Variants in PTPN5 observed in about 807,000 individuals in gnomAD.
The protein encoded by PTPN5 is protein tyrosine phosphatase non-receptor type 5.
A neutral mutation model predicts 73.9 loss-of-function variants in PTPN5; 29 were observed. That is an observed-to-expected ratio of 0.39 (90% confidence interval 0.29 to 0.54). The LOEUF (loss-of-function observed/expected upper bound fraction) is 0.54, where lower values mean the gene tolerates loss of function less well. Ranked by LOEUF, PTPN5 falls within the 20% of genes least tolerant of loss-of-function variation. The probability of loss-of-function intolerance (pLI) is 0.65; values close to 1 mark genes in which losing one functional copy is unlikely to be tolerated. For synonymous variants in PTPN5, 267 were observed against 304.7 expected (o/e 0.88, Z 1.29); for missense variants, 652 against 751.4 (o/e 0.87, Z 1.55).
chr11:18,751,455 G>GT (rs1362885664), intron 3 of PTPN5, among the ~76,000 whole-genome samples: 1 of 152,212 alleles, frequency 6.6e-6, no homozygotes, highest in African/African-American at 2.4e-5. Flanking sequence ...AAGCAAACAG[G>GT]TGGTGGATTT....
chr11:18,729,385 G>C lies in PTPN5; in HGVS notation c.1604+68C>G. On this transcript the variant is annotated intron_variant, in intron 14 of 14. Transcript: ENST00000358540. The surrounding 1 kb of genome is among the most constrained non-coding windows in gnomAD (Gnocchi z 5.2). ...CTCACCCCCCGCCCATGCACATGTG[G>C]GTCTCTCCCTCTACCCGCTCGGGGC... The C allele has an allele frequency of 1.3e-6, 1 of 780,676 alleles. No homozygotes were observed. The highest frequency in any genetic ancestry group is 2.3e-6 in the Non-Finnish European group (1 of 444,092). 48.4% of individuals were successfully genotyped at this position (780,676 alleles called of 1,614,324 possible).
At chr11:18,749,652 C>G (rs1297762514) in intron 3 of PTPN5, among the ~76,000 whole-genome samples, 1 of 152,166 alleles carries the variant, frequency 6.6e-6, no homozygotes, top group Non-Finnish European at 1.5e-5. Context: ...CTGTAGGATC[C>G]TGGGTAAGGC....
intron 3 of PTPN5, among the ~76,000 whole-genome samples, chr11:18,763,219 A>T (rs1480410332): frequency 1.3e-5 from 2 of 152,206 alleles, no homozygotes; most frequent in African/African-American, 4.8e-5. Context: ...AGGCACAGGG[A>T]CGTTGTCTAC....
chr11:18,729,717 C>G lies in PTPN5; in HGVS notation c.1431G>C (p.Glu477Asp). The change falls in exon 13 of 15, where the codon GAG becomes GAC. Residue 477 changes from glutamate to aspartate, a missense_variant. Physicochemically the swap from Glu to Asp is conservative, Grantham distance 45 (BLOSUM62 2). Around this residue, in one of 3 missense-constraint regions of PTPN5, gnomAD observed 102 missense variants for 160.5 expected, o/e 0.64. Transcript: ENST00000358540. This position sits in a 1 kb window ranked among gnomAD's most constrained non-coding sequence, Gnocchi z 5.2. ...RAPPLLHLVR[E>D]VEEAAQQEGP... ...CCTCCTGCTGGGCTGCCTCCTCCAC[C>G]TCCCGCACCAGGTGCAGGAGTGGGG... is the stretch of plus-strand genomic sequence containing the variant. 6.3e-7 allele frequency: 1 copy of G among 1,592,714 alleles called. No individual in the cohort carries two copies. Among genetic ancestry groups the G allele is most frequent in the Non-Finnish European group, 8.6e-7 (1 of 1,166,042 alleles).
In PTPN5 at chr11:18,728,917, T is replaced by C. The variant is rs1254559193; in HGVS notation, c.*17A>G. 1 of 1,610,324 alleles carries C rather than the reference T, an allele frequency of 6.2e-7. No homozygotes were observed. Reference sequence around the variant, plus strand: ...CAGGCTGGGCAGTGCCCAGAGAACCTTGTAGGAGAAGCGCAGTCATTCTGG... The same window carrying C: ...CAGGCTGGGCAGTGCCCAGAGAACCCTGTAGGAGAAGCGCAGTCATTCTGG... On this transcript the variant is annotated 3_prime_UTR_variant, in exon 15 of 15. Transcript: ENST00000358540. This position sits in a 1 kb window ranked among gnomAD's most constrained non-coding sequence, Gnocchi z 4.1.
intron 1 of PTPN5, among the ~76,000 whole-genome samples, chr11:18,788,961 G>A (rs778489401): frequency 3.9e-5 from 6 of 152,158 alleles, no homozygotes; most frequent in South Asian, 2.1e-4. Context: ...ATTCTATTAC[G>A]CTAACGTACA....
At chr11:18,766,358 C>T (rs1564918960) in intron 2 of PTPN5, among the ~76,000 whole-genome samples, 1 of 152,282 alleles carries the variant, frequency 6.6e-6, no homozygotes, top group East Asian at 1.9e-4. Context: ...GCCATTCTGT[C>T]TCCTAGTTCC....
chr11:18,754,018 G>C (rs1850014278), intron 3 of PTPN5, among the ~76,000 whole-genome samples: 1 of 152,238 alleles, frequency 6.6e-6, no homozygotes, highest in African/African-American at 2.4e-5. Context: ...ATTACCTGTT[G>C]AGAGAGGGGG....
chr11:18,750,141 G>A (rs551263469), intron 3 of PTPN5, among the ~76,000 whole-genome samples: 2 of 152,348 alleles, frequency 1.3e-5, no homozygotes, highest in African/African-American at 4.8e-5. Context: ...GCCAAGGGCA[G>A]AGCCTGAACG....
chr11:18,742,321 G>A lies in PTPN5; in HGVS notation c.666C>T (p.Asp222=). ...PETPVFDCVM[D]IKPEADPTSL... ...AGGTGGGGTCAGCCTCAGGCTTGAT[G>A]TCCATCACACAATCAAACACAGGAG... The change falls in exon 7 of 15, where the codon GAC becomes GAT. Residue 222 remains aspartate, a synonymous_variant. Coordinates refer to ENST00000358540, the MANE Select transcript of PTPN5 (RefSeq NM_006906.2). This position sits in a 1 kb window ranked among gnomAD's most constrained non-coding sequence, Gnocchi z 4.1. 7 of 1,614,138 alleles carry A rather than the reference G, an allele frequency of 4.3e-6. No homozygotes were observed. The highest frequency in any genetic ancestry group is 5.1e-6 in the Non-Finnish European group (6 of 1,180,034).
intron 3 of PTPN5, among the ~76,000 whole-genome samples, chr11:18,759,937 T>TTA (rs10666920): frequency 0.35 from 53,471 of 151,834 alleles, 9,758 homozygotes; most frequent in Middle Eastern, 0.48. Context: ...ATGAGGCCCA[T>TTA]TATGAGGTAA....
chr11:18,753,914 AAC>A (rs1482753172), intron 3 of PTPN5, among the ~76,000 whole-genome samples: 3 of 152,226 alleles, frequency 2.0e-5, no homozygotes, highest in Admixed American at 2.0e-4. Context: ...AACAAGATTT[AAC>A]ACAGTACAAT....
At chr11:18,746,757 C>T (rs1157856816) in intron 3 of PTPN5, among the ~76,000 whole-genome samples, 1 of 152,122 alleles carries the variant, frequency 6.6e-6, no homozygotes, top group Non-Finnish European at 1.5e-5. Context: ...TCCTGACCAC[C>T]TGAGCAGTCA....
chr11:18,786,193 G>A (rs1163379234), intron 1 of PTPN5, among the ~76,000 whole-genome samples: 1 of 119,778 alleles, frequency 8.3e-6, no homozygotes, highest in Non-Finnish European at 1.7e-5. Flanking sequence ...AAAGAATGGG[G>A]GGAATCTATT....
chr11:18,773,187 C>T (rs1273918446), intron 1 of PTPN5, among the ~76,000 whole-genome samples: 2 of 152,032 alleles, frequency 1.3e-5, no homozygotes, highest in African/African-American at 4.8e-5. Context: ...AGAGGTAAGA[C>T]AGACCTATAT....
chr11:18,768,129 T>C (rs889967873), intron 2 of PTPN5, among the ~76,000 whole-genome samples: 9 of 152,224 alleles, frequency 5.9e-5, no homozygotes, highest in Non-Finnish European at 8.8e-5. Context: ...TAAACACTTA[T>C]GGAATAAGTA....
chr11:18,758,675 GTTTT>G (rs59126462), intron 3 of PTPN5, among the ~76,000 whole-genome samples: 50 of 150,658 alleles, frequency 3.3e-4, no homozygotes, highest in South Asian at 1.3e-3. Flanking sequence ...GGAAGGATGA[GTTTT>G]TTTTTTTTTT....
At chr11:18,756,004 A>AAT (rs1160525627) in intron 3 of PTPN5, among the ~76,000 whole-genome samples, 2 of 148,656 alleles carry the variant, frequency 1.3e-5, no homozygotes, top group Admixed American at 1.3e-4. Context: ...ACTCTAAATA[A>AAT]AAAAAAAAAA....
In PTPN5 at chr11:18,744,099, T is replaced by A. The variant is rs757719333; in HGVS notation, c.198A>T (p.Ser66=). 3.7e-6 allele frequency: 6 copies of A among 1,611,678 alleles called. No homozygotes were observed. The highest frequency in any genetic ancestry group is 5.1e-6 in the Non-Finnish European group (6 of 1,179,046). The change falls in exon 4 of 15, where the codon TCA becomes TCT. Residue 66 remains serine (S), a synonymous_variant. Transcript: ENST00000358540. ...GAGGTGGTGGCTTCTGAGCTGGATCTGAGGGCGGCGAGGGAGGAGGGGGTG... is the reference window on the plus strand; with the variant it reads ...GAGGTGGTGGCTTCTGAGCTGGATCAGAGGGCGGCGAGGGAGGAGGGGGTG... ...MPPPPPPSPP[S]DPAQKPPPRG...
Sources: gnomAD v4.1 joint callset for allele counts (sites outside exome capture counted in the v4.1 genomes callset) on GRCh38, gnomAD v4.1.1 for gene constraint, gnomAD v4.1.1 regional missense constraint, Gnocchi (gnomAD v3.1) non-coding constraint, MANE v1.5 for transcripts, NCBI Gene and HGNC (gene_info 2026-07-23, HGNC 2026-07-21) for gene names.